CALR3: variants seen among roughly 807,000 people sequenced by gnomAD.
CALR3 encodes the protein calreticulin-3.
In CALR3, 39 loss-of-function variants were observed where a neutral mutation model predicts 48.7. That is an observed-to-expected ratio of 0.80 (90% CI 0.62 to 1.05). CALR3 has a LOEUF of 1.05. Among genes scored for constraint, CALR3 ranks in the 50% least tolerant of loss-of-function variants. The probability of loss-of-function intolerance (pLI) is 0.00; values close to 1 mark genes in which losing one functional copy is unlikely to be tolerated. For synonymous variants in CALR3, 185 were observed against 172.7 expected (o/e 1.07, Z -0.56); for missense variants, 449 against 474.7 (o/e 0.95, Z 0.50).
Position 16,496,038 on chromosome 19 carries a change from C to T in CALR3, c.91+1G>A. On this transcript the variant is annotated splice_donor_variant, in intron 1 of 8. Transcript: ENST00000269881. LOFTEE classifies it high-confidence loss of function. ...CGCCACCACGGGCGTGGCCCCTTCA[C>T]CTCCGTCTAGAAATTCCTCTTGGAA... 1 of 1,591,758 alleles carries T rather than the reference C, an allele frequency of 6.3e-7. No homozygotes were observed. The highest frequency in any genetic ancestry group is 8.6e-7 in the Non-Finnish European group (1 of 1,168,570).
chr19:16,496,145 G>A lies in CALR3; in HGVS notation c.-16C>T, dbSNP rs1260185171. 1 of 1,574,868 alleles carries A rather than the reference G, an allele frequency of 6.3e-7. No homozygotes were observed. The highest frequency in any genetic ancestry group is 1.8e-5 in the Admixed American group (1 of 54,886). ...CCCGGGCCATGGGGGTGTGCACTGCGCTTCCGGTCGCCGCCACCCCTTAGC... is the reference window on the plus strand; with the variant it reads ...CCCGGGCCATGGGGGTGTGCACTGCACTTCCGGTCGCCGCCACCCCTTAGC... On this transcript the variant is annotated 5_prime_UTR_variant, in exon 1 of 9. Coordinates refer to ENST00000269881, the MANE Select transcript of CALR3 (RefSeq NM_145046.5).
chr19:16,480,096 G>A (rs927138972), intron 8 of CALR3, among the ~76,000 whole-genome samples: 24 of 151,524 alleles, frequency 1.6e-4, no homozygotes, highest in African/African-American at 5.3e-4. Context: ...CCAGCTACTC[G>A]GGAGGCTGAG....
chr19:16,495,170 G>A (rs1031821222), intron 2 of CALR3, among the ~76,000 whole-genome samples: 1 of 150,274 alleles, frequency 6.7e-6, no homozygotes, highest in Non-Finnish European at 1.5e-5. Context: ...AGGTTTGAGT[G>A]AGCCAAGATC....
At chr19:16,482,637 GCCCTGGGGCAT>G in intron 6 of CALR3, 30 bp downstream of exon 6, 1 of 1,613,758 alleles carries the variant, frequency 6.2e-7, no homozygotes, top group Non-Finnish European at 8.5e-7. Flanking sequence ...CGGAGGGGCA[GCCCTGGGGCAT>G]CCCTGGCATC....
At chr19:16,481,539 C>T (rs892989975) in intron 7 of CALR3, among the ~76,000 whole-genome samples, 11 of 139,984 alleles carry the variant, frequency 7.9e-5, no homozygotes, top group Non-Finnish European at 1.4e-4. Flanking sequence ...AGTGCCGTGG[C>T]GCGATCTTGG....
intron 5 of CALR3, among the ~76,000 whole-genome samples, chr19:16,483,344 C>T (rs895134485): frequency 6.6e-6 from 1 of 152,112 alleles, no homozygotes; most frequent in Non-Finnish European, 1.5e-5. Context: ...ATGACTTTAG[C>T]CCTTTCCTGC....
intron 3 of CALR3, among the ~76,000 whole-genome samples, chr19:16,488,697 G>A (rs1395344844): frequency 1.3e-5 from 2 of 152,018 alleles, no homozygotes; most frequent in South Asian, 2.1e-4. Flanking sequence ...TGTGAGCCGC[G>A]ACACCCGGCC....
At position 16,479,107 on chromosome 19, in the gene CALR3, C is replaced by A; in HGVS notation, c.*24G>T. 1 of 1,613,180 alleles carries A rather than the reference C, an allele frequency of 6.2e-7. No individual in the cohort carries two copies. The highest frequency in any genetic ancestry group is 8.5e-7 in the Non-Finnish European group (1 of 1,179,174). On this transcript the variant is annotated 3_prime_UTR_variant, in exon 9 of 9. Transcript: ENST00000269881. ...AAAGTAGCAATGAGATTTTACCAGT[C>A]ATCCTTATATCCAATGGGGATCACT...
chr19:16,496,014 G>A (rs754911289), intron 1 of CALR3, 25 bp downstream of exon 1: 92 of 1,576,324 alleles, frequency 5.8e-5, no homozygotes, highest in Non-Finnish European at 7.6e-5. Flanking sequence ...TTACACCTCC[G>A]CCACCACGGG....
chr19:16,491,932 G>A (rs1009057749), intron 2 of CALR3, among the ~76,000 whole-genome samples: 12 of 151,584 alleles, frequency 7.9e-5, no homozygotes, highest in Non-Finnish European at 1.5e-5. Flanking sequence ...AGGTTCAAGC[G>A]ATTCTCCTGC....
At chr19:16,486,332 A>AG (rs1460577522) in intron 3 of CALR3, among the ~76,000 whole-genome samples, 13 of 149,476 alleles carry the variant, frequency 8.7e-5, no homozygotes, top group East Asian at 7.9e-4. Context: ...AAAAAAAAAA[A>AG]AAGTGTGGGC....
chr19:16,495,991 G>C (rs900278401), intron 1 of CALR3, 48 bp downstream of exon 1: 1 of 1,567,672 alleles, frequency 6.4e-7, no homozygotes, highest in African/African-American at 1.4e-5. Context: ...TTAGGGGGCG[G>C]AGATGGGGGA....
intron 3 of CALR3, among the ~76,000 whole-genome samples, chr19:16,486,737 C>T (rs1032789632): frequency 6.6e-6 from 1 of 151,698 alleles, no homozygotes; most frequent in African/African-American, 2.4e-5. Flanking sequence ...CATAGGAATT[C>T]ATGCAAATGT....
At chr19:16,494,419 G>A (rs1392316983) in intron 2 of CALR3, among the ~76,000 whole-genome samples, 1 of 145,552 alleles carries the variant, frequency 6.9e-6, no homozygotes, top group African/African-American at 2.6e-5. Context: ...TGGAGTGCAG[G>A]GGCATGATCT....
At chr19:16,495,884 G>A (rs760873856) in intron 1 of CALR3, 32 bp from the exon 2 acceptor site, 24 of 1,599,160 alleles carry the variant, frequency 1.5e-5, no homozygotes, top group Admixed American at 1.3e-4. Context: ...ACCGGTTAGA[G>A]GTGATAATGG....
chr19:16,482,343 C>T, intron 7 of CALR3, 107 bp downstream of exon 7: 1 of 1,493,548 alleles, frequency 6.7e-7, no homozygotes, highest in African/African-American at 1.4e-5. Flanking sequence ...GGTGCCACTG[C>T]ACTCCAGCCT....
At chr19:16,483,325 A>G (rs1042262968) in intron 5 of CALR3, among the ~76,000 whole-genome samples, 1 of 152,000 alleles carries the variant, frequency 6.6e-6, no homozygotes, top group Middle Eastern at 3.2e-3. Flanking sequence ...TTTCTCCCTA[A>G]CCTGCCATAT....
chr19:16,493,542 A>ATTT (rs3032114), intron 2 of CALR3, among the ~76,000 whole-genome samples: 1 of 72,920 alleles, frequency 1.4e-5, no homozygotes, highest in African/African-American at 5.3e-5. Flanking sequence ...TGAAGCTAGA[A>ATTT]TTTTTTTTTT....
chr19:16,487,982 T>C (rs2093391808), intron 3 of CALR3, among the ~76,000 whole-genome samples: 1 of 151,814 alleles, frequency 6.6e-6, no homozygotes, highest in Admixed American at 6.6e-5. Flanking sequence ...CCTGGCTAAT[T>C]TTTTGTATTT....
Sources: gnomAD v4.1 joint callset for allele counts (sites outside exome capture counted in the v4.1 genomes callset) on GRCh38, gnomAD v4.1.1 for gene constraint, MANE v1.5 for transcripts, NCBI Gene and HGNC (gene_info 2026-07-23, HGNC 2026-07-21) for gene names.